PDE4D: variants seen among roughly 807,000 people sequenced by gnomAD.
The protein encoded by PDE4D is phosphodiesterase 4D.
Under a neutral mutation model 87.4 loss-of-function variants are expected in PDE4D, and 24 were observed. That is an observed-to-expected ratio of 0.27 (90% CI 0.20 to 0.39). PDE4D has a LOEUF of 0.39. Ranked by LOEUF, PDE4D falls within the 10% of genes least tolerant of loss-of-function variation. The pLI, the probability that PDE4D is intolerant of heterozygous loss-of-function variation, is 1.00. For missense variants in PDE4D, 714 were observed against 1,041.0 expected, an observed-to-expected ratio of 0.69 and a Z score of 4.32; for synonymous variants, 384 against 383.2, an observed-to-expected ratio of 1.00 and a Z score of -0.02.
At chr5:59,220,956 A>G (rs1752421502) in intron 1 of PDE4D, among the ~76,000 whole-genome samples, 1 of 152,088 alleles carries the variant, frequency 6.6e-6, no homozygotes, top group Non-Finnish European at 1.5e-5. Context: ...TGATGGTGGC[A>G]ATAATAATAA....
At chr5:60,358,519 T>C (rs1759803946) in intron 1 of PDE4D, among the ~76,000 whole-genome samples, 1 of 152,088 alleles carries the variant, frequency 6.6e-6, no homozygotes, top group Admixed American at 6.6e-5. Context: ...CTGATAGATA[T>C]TCCCTGGGTG....
intron 1 of PDE4D, among the ~76,000 whole-genome samples, chr5:59,449,172 C>A (rs1798780565): frequency 6.6e-6 from 1 of 152,198 alleles, no homozygotes; most frequent in Non-Finnish European, 1.5e-5. Flanking sequence ...CAGAGTGTTC[C>A]AGCATCTTCC....
intron 5 of PDE4D, among the ~76,000 whole-genome samples, chr5:59,111,580 T>C (rs1310369510): frequency 2.6e-5 from 4 of 152,216 alleles, no homozygotes; most frequent in Admixed American, 1.3e-4. Flanking sequence ...AAAGCCATAC[T>C]TTCTTTCTTT....
intron 2 of PDE4D, among the ~76,000 whole-genome samples, chr5:60,099,343 T>C (rs1776005615): frequency 6.6e-6 from 1 of 152,000 alleles, no homozygotes; most frequent in African/African-American, 2.4e-5. Context: ...TCCATATTCC[T>C]ACCAACATTT....
intron 5 of PDE4D, among the ~76,000 whole-genome samples, chr5:59,139,411 T>C (rs1347501032): frequency 1.3e-5 from 2 of 152,084 alleles, no homozygotes; most frequent in South Asian, 2.1e-4. Context: ...CGCAGAACAT[T>C]GTTTCTAGAA....
At chr5:59,467,746 T>A (rs1028387114) in intron 1 of PDE4D, among the ~76,000 whole-genome samples, 2 of 152,200 alleles carry the variant, frequency 1.3e-5, no homozygotes, top group Non-Finnish European at 2.9e-5. Flanking sequence ...ACAGGAATTG[T>A]ACATGGAAAA....
At chr5:60,208,013 A>G (rs1742753270) in intron 1 of PDE4D, among the ~76,000 whole-genome samples, 1 of 152,246 alleles carries the variant, frequency 6.6e-6, no homozygotes, top group Non-Finnish European at 1.5e-5. Context: ...TCTTTCAGAT[A>G]CTTATTAAGC....
intron 2 of PDE4D, among the ~76,000 whole-genome samples, chr5:60,175,128 T>G (rs1311978389): frequency 6.6e-6 from 1 of 152,078 alleles, no homozygotes; most frequent in Admixed American, 6.6e-5. Context: ...TCCCTTTTAT[T>G]TCCACTCTTT....
Position 59,356,695 on chromosome 5 carries a change from A to G in PDE4D, c.456-140727T>C, listed in dbSNP as rs1781429317. 4 of 1,362,954 alleles carry G rather than the reference A, an allele frequency of 2.9e-6. No individual in the cohort carries two copies. The African/African-American group carries it at 4.5e-5, about 15-fold the overall frequency. The allele number at this position is 1,362,954 out of a possible 1,614,324, so 84.4% of individuals were successfully genotyped here. On this transcript the variant is annotated intron_variant, in intron 1 of 14. Transcript: ENST00000340635. ...GAAGGTCAACATAGGGCAAAGGCTTATTTGCAAGGGGCCTAAGGCAGTTAA... is the reference window on the plus strand; with the variant it reads ...GAAGGTCAACATAGGGCAAAGGCTTGTTTGCAAGGGGCCTAAGGCAGTTAA...
intron 2 of PDE4D, among the ~76,000 whole-genome samples, chr5:60,028,686 T>A (rs1766914947): frequency 1.3e-5 from 2 of 152,210 alleles, no homozygotes; most frequent in Non-Finnish European, 2.9e-5. Flanking sequence ...CCTCCTATAG[T>A]TCTTTGCTTT....
At chr5:60,221,360 T>G (rs1380719187) in intron 1 of PDE4D, among the ~76,000 whole-genome samples, 1 of 152,166 alleles carries the variant, frequency 6.6e-6, no homozygotes, top group Admixed American at 6.5e-5. Context: ...AATTACCATG[T>G]GTTTACTTAT....
At chr5:60,375,352 A>C (rs1477352) in intron 1 of PDE4D, among the ~76,000 whole-genome samples, 33,608 of 152,068 alleles carry the variant, frequency 0.22, 4,449 homozygotes, top group East Asian at 0.51. Context: ...TCTTTTTGGC[A>C]TGCCTTATTT....
At chr5:59,971,643 C>A (rs1026681941) in intron 3 of PDE4D, among the ~76,000 whole-genome samples, 2 of 152,100 alleles carry the variant, frequency 1.3e-5, no homozygotes, top group African/African-American at 4.8e-5. Flanking sequence ...AACTTTGCCA[C>A]GGACATCTCA....
At chr5:59,305,365 TA>T (rs201548890) in intron 1 of PDE4D, among the ~76,000 whole-genome samples, 1,720 of 108,028 alleles carry the variant, frequency 0.016, 34 homozygotes, top group African/African-American at 0.067. Flanking sequence ...TTTATTTATT[TA>T]TTTTTTTGTA....
At chr5:60,487,824 G>C (rs760034721) in intron 1 of PDE4D, 1 of 152,162 alleles carries the variant, frequency 6.6e-6, no homozygotes, top group African/African-American at 2.4e-5. Context: ...GATACACATA[G>C]TATAGCACCT....
At chr5:59,874,170 C>G (rs184967393) in intron 1 of PDE4D, among the ~76,000 whole-genome samples, 1 of 152,004 alleles carries the variant, frequency 6.6e-6, no homozygotes, top group Non-Finnish European at 1.5e-5. Flanking sequence ...GCCACTGCAC[C>G]CCAGCCTGAG....
At chr5:59,853,405 A>G (rs1191441688) in intron 1 of PDE4D, among the ~76,000 whole-genome samples, 1 of 152,080 alleles carries the variant, frequency 6.6e-6, no homozygotes, top group Non-Finnish European at 1.5e-5. Context: ...TAAAAATCCT[A>G]AAGCTAATTA....
intron 1 of PDE4D, chr5:59,587,656 T>C (rs1825364639): frequency 1.0e-6 from 1 of 979,170 alleles, no homozygotes; most frequent in Non-Finnish European, 1.2e-6. Flanking sequence ...CAGAGACTGC[T>C]GCCTGACAGG....
intron 1 of PDE4D, among the ~76,000 whole-genome samples, chr5:59,295,930 G>A (rs1236931324): frequency 2.0e-5 from 3 of 152,078 alleles, no homozygotes; most frequent in East Asian, 1.9e-4. Context: ...GACTCATGGG[G>A]GTGGGAAATA....
Sources: gnomAD v4.1 joint callset for allele counts (sites outside exome capture counted in the v4.1 genomes callset) on GRCh38, gnomAD v4.1.1 for gene constraint, MANE v1.5 for transcripts, NCBI Gene and HGNC (gene_info 2026-07-23, HGNC 2026-07-21) for gene names.